SETBP1: variants seen among roughly 807,000 people sequenced by gnomAD.
SETBP1 encodes the protein SET-binding protein.
In SETBP1, 9 loss-of-function variants were observed where a neutral mutation model predicts 101.0. The ratio of observed to expected loss-of-function variants is 0.09; its 90% CI spans 0.05 to 0.16. The LOEUF (loss-of-function observed/expected upper bound fraction) is 0.16. Among genes scored for constraint, SETBP1 ranks in the 10% least tolerant of loss-of-function variants. The probability of loss-of-function intolerance (pLI) is 1.00; values close to 1 mark genes in which losing one functional copy is unlikely to be tolerated. For synonymous variants in SETBP1, 818 were observed against 788.5 expected (o/e 1.04, Z -0.63); for missense variants, 1,858 against 2,033.8 (o/e 0.91, Z 1.66).
chr18:44,972,515 A>C (rs1039976056), intron 4 of SETBP1, among the ~76,000 whole-genome samples: 5 of 152,116 alleles, frequency 3.3e-5, no homozygotes, highest in African/African-American at 1.2e-4. Context: ...TGAGCATGGA[A>C]TGTTCTTCTA....
intron 3 of SETBP1, among the ~76,000 whole-genome samples, chr18:44,930,996 G>T (rs2070820649): frequency 6.6e-6 from 1 of 151,928 alleles, no homozygotes; most frequent in Admixed American, 6.6e-5. Flanking sequence ...GAATGTATTT[G>T]CTCTTGCTTC....
At chr18:44,989,669 AC>A (rs1786476867) in intron 4 of SETBP1, among the ~76,000 whole-genome samples, 2 of 151,624 alleles carry the variant, frequency 1.3e-5, no homozygotes, top group Non-Finnish European at 2.9e-5. Flanking sequence ...GGAGATCGAG[AC>A]CATCCCGGCT....
rs201973930 is a variant in SETBP1, at chr18:45,063,547, C to G, written c.4640C>G (p.Thr1547Ser). 1 of 1,368,900 alleles carries G rather than the reference C, an allele frequency of 7.3e-7. No individual in the cohort carries two copies. Among genetic ancestry groups the G allele is most frequent in the Non-Finnish European group, 9.7e-7 (1 of 1,025,794 alleles). 84.8% of individuals were successfully genotyped at this position (1,368,900 alleles called of 1,614,324 possible). A position where few individuals can be genotyped will look rare whatever the true frequency, so the allele number is the denominator to read the frequency against. Residue 1547 changes from threonine to serine, a missense_variant, in exon 6 of 6, where the codon ACC becomes AGC. Physicochemically the swap from Thr to Ser is moderately conservative, Grantham distance 58. This residue lies in a region of SETBP1 where 178 missense variants were observed against 189.1 expected (regional missense o/e 0.94). Transcript: ENST00000649279. ...CCCCCGCCACCCCCTCTACCCAAGA[C>G]CCCCCGAGGCGGAAAGAGGAAACAC... The part of the protein sequence containing the change: ...PLPPPPPLPK[T>S]PRGGKRKHKP...
chr18:44,974,001 C>T (rs758714499), intron 4 of SETBP1, among the ~76,000 whole-genome samples: 12 of 152,094 alleles, frequency 7.9e-5, no homozygotes, highest in Non-Finnish European at 1.8e-4. Context: ...TAATTCATTG[C>T]TGGTCAATAC....
intron 3 of SETBP1, among the ~76,000 whole-genome samples, chr18:44,941,273 A>C (rs1421806163): frequency 6.6e-6 from 1 of 151,768 alleles, no homozygotes; most frequent in Non-Finnish European, 1.5e-5. Context: ...TTTAGTAGAC[A>C]CGGGGTTTTA....
intron 3 of SETBP1, among the ~76,000 whole-genome samples, chr18:44,872,594 C>T (rs142434366): frequency 3.9e-4 from 60 of 152,344 alleles, no homozygotes; most frequent in African/African-American, 1.0e-3. Flanking sequence ...CCAAGGCAAA[C>T]GCTGGCATCC....
chr18:44,939,609 A>C (rs888857505), intron 3 of SETBP1, among the ~76,000 whole-genome samples: 1 of 152,234 alleles, frequency 6.6e-6, no homozygotes, highest in Non-Finnish European at 1.5e-5. Flanking sequence ...TCTCAGGATT[A>C]ACTTTAAAAG....
rs769281572 is a variant in SETBP1, at chr18:44,951,146, T to A, written c.1806T>A (p.His602Gln). The A allele has an allele frequency of 6.2e-7, 1 of 1,614,114 alleles. No individual in the cohort carries two copies. Among genetic ancestry groups the A allele is most frequent in the Non-Finnish European group, 8.5e-7 (1 of 1,180,030 alleles). ...CTTTGCTCACAGTCGAGACGATTCATGAGGGAACTTCCACCAGCCCCGTCA... is the reference window on the plus strand; with the variant it reads ...CTTTGCTCACAGTCGAGACGATTCAAGAGGGAACTTCCACCAGCCCCGTCA... ...KQPLLTVETI[H>Q]EGTSTSPVSP... The change falls in exon 4 of 6, where the codon CAT (histidine) becomes CAA (glutamine). Residue 602 changes from histidine to glutamine, a missense_variant. Physicochemically the swap from His to Gln is conservative, Grantham distance 24. Around this residue, in one of 12 missense-constraint regions of SETBP1, gnomAD observed 24 missense variants for 68.4 expected, o/e 0.35. Transcript: ENST00000649279. The surrounding 1 kb of genome is among the most constrained non-coding windows in gnomAD (Gnocchi z 7.8).
intron 3 of SETBP1, among the ~76,000 whole-genome samples, chr18:44,897,305 GA>G (rs1382640968): frequency 1.1e-4 from 17 of 152,118 alleles, no homozygotes; most frequent in Middle Eastern, 3.4e-3. Context: ...CTATGTTTGA[GA>G]AAAAACAATC....
intron 2 of SETBP1, among the ~76,000 whole-genome samples, chr18:44,794,872 A>G (rs544453384): frequency 2.6e-4 from 40 of 152,232 alleles, no homozygotes; most frequent in Non-Finnish European, 5.1e-4. Context: ...TGTATGTGAT[A>G]ATTCTTCCTT....
chr18:44,856,749 A>G (rs746478984), intron 2 of SETBP1, among the ~76,000 whole-genome samples: 4 of 152,212 alleles, frequency 2.6e-5, no homozygotes, highest in Admixed American at 6.5e-5. Flanking sequence ...TTAATATCCT[A>G]TGAGGTTGAG....
intron 2 of SETBP1, among the ~76,000 whole-genome samples, chr18:44,758,905 G>A (rs946448175): frequency 6.6e-6 from 1 of 152,144 alleles, no homozygotes; most frequent in Non-Finnish European, 1.5e-5. Context: ...TCCATTGATG[G>A]AAAAGCCCCC....
At chr18:44,887,649 C>T (rs2069679047) in intron 3 of SETBP1, among the ~76,000 whole-genome samples, 1 of 152,132 alleles carries the variant, frequency 6.6e-6, no homozygotes. Flanking sequence ...CCAAGGGCCA[C>T]AGAATATCTT....
At chr18:45,038,408 A>T in intron 4 of SETBP1, 77 bp from the exon 5 acceptor site, 1 of 1,317,690 alleles carries the variant, frequency 7.6e-7, no homozygotes, top group Non-Finnish European at 1.1e-6. Context: ...ATTTCCTCAG[A>T]TCATGTCCAG....
intron 4 of SETBP1, among the ~76,000 whole-genome samples, chr18:45,009,464 T>A (rs572902959): frequency 1.3e-4 from 19 of 151,878 alleles, no homozygotes; most frequent in African/African-American, 3.6e-4. Context: ...TAAGAGGGTA[T>A]GGAAGATTGT....
intron 4 of SETBP1, among the ~76,000 whole-genome samples, chr18:44,969,706 GCT>G (rs1377455618): frequency 6.6e-6 from 1 of 152,190 alleles, no homozygotes; most frequent in Non-Finnish European, 1.5e-5. Context: ...TGATTTAATA[GCT>G]CTGTGCCTAG....
At chr18:44,944,910 T>C (rs1161643720) in intron 3 of SETBP1, among the ~76,000 whole-genome samples, 3 of 152,208 alleles carry the variant, frequency 2.0e-5, no homozygotes, top group African/African-American at 7.2e-5. Flanking sequence ...TTTGGACTTT[T>C]AAGATTTTAC....
Position 44,952,874 on chromosome 18 carries a change from C to A in SETBP1, c.3534C>A (p.Ala1178=). 6.2e-7 allele frequency: 1 copy of A among 1,614,156 alleles called. No individual in the cohort carries two copies. The highest frequency in any genetic ancestry group is 8.5e-7 in the Non-Finnish European group (1 of 1,180,042). The change falls in exon 4 of 6, where the codon GCC becomes GCA. Residue 1178 remains alanine, a synonymous_variant. Coordinates refer to ENST00000649279, the MANE Select transcript of SETBP1 (RefSeq NM_015559.3). ...TGAGTGGTCTTTTTGCAGGCAAAGCCACAGGCTTCTCCAGCCACATCCTGA... is the reference window on the plus strand; with the variant it reads ...TGAGTGGTCTTTTTGCAGGCAAAGCAACAGGCTTCTCCAGCCACATCCTGA... ...DNLSGLFAGK[A]TGFSSHILSE... is the part of the protein sequence containing the mutation.
chr18:44,916,613 C>G (rs1465460090), intron 3 of SETBP1, among the ~76,000 whole-genome samples: 1 of 152,148 alleles, frequency 6.6e-6, no homozygotes, highest in African/African-American at 2.4e-5. Flanking sequence ...TGTTGTTGCC[C>G]TATTTGGTGA....
Sources: gnomAD v4.1 joint callset for allele counts (sites outside exome capture counted in the v4.1 genomes callset) on GRCh38, gnomAD v4.1.1 for gene constraint, gnomAD v4.1.1 regional missense constraint, Gnocchi (gnomAD v3.1) non-coding constraint, MANE v1.5 for transcripts, NCBI Gene and HGNC (gene_info 2026-07-23, HGNC 2026-07-21) for gene names.